WDR86: variants seen among roughly 807,000 people sequenced by gnomAD.
The protein encoded by WDR86 is WD repeat-containing protein 86.
A neutral mutation model predicts 36.5 loss-of-function variants in WDR86; 30 were observed. The ratio of observed to expected loss-of-function variants is 0.82; its 90% CI spans 0.61 to 1.11. The LOEUF (loss-of-function observed/expected upper bound fraction) is 1.11. Ranked by LOEUF, WDR86 falls within the 50% of genes most tolerant of loss-of-function variation. WDR86 has a pLI of 0.00. For synonymous variants in WDR86, 255 were observed against 252.9 expected (o/e 1.01, Z -0.08); for missense variants, 545 against 561.2 (o/e 0.97, Z 0.29).
intron 4 of WDR86, among the ~76,000 whole-genome samples, chr7:151,382,661 G>A (rs962585262): frequency 3.3e-5 from 5 of 152,238 alleles, no homozygotes; most frequent in Non-Finnish European, 5.9e-5. Flanking sequence ...GCTGCTGCTA[G>A]TCAGGAGGCC....
rs138669518 is a variant in WDR86 at position 151,400,156 on chromosome 7, G to A, written c.249C>T (p.Asp83=). ...CSADCTIRRW[D]VLTGQCLQVY... Reference sequence around the variant, plus strand: ...CCTGCAGACACTGCCCGGTCAGCACGTCCCACCTCCTGATGGTGCAGTCGG... The same window carrying A: ...CCTGCAGACACTGCCCGGTCAGCACATCCCACCTCCTGATGGTGCAGTCGG... Residue 83 remains aspartate, a synonymous_variant, in exon 2 of 6, where the codon GAC becomes GAT. Transcript: ENST00000334493. 156 of 1,612,402 alleles carry A rather than the reference G, an allele frequency of 9.7e-5. No individual in the cohort carries two copies. The South Asian group carries it at 1.6e-3, about 17-fold the overall frequency.
At chr7:151,408,875 T>C in intron 1 of WDR86, 1 of 468,980 alleles carries the variant, frequency 2.1e-6, no homozygotes, top group Non-Finnish European at 4.4e-6. Flanking sequence ...CTGTGCGACC[T>C]GGGCGAATTA....
At chr7:151,402,089 A>G (rs186275270) in intron 1 of WDR86, among the ~76,000 whole-genome samples, 6 of 124,312 alleles carry the variant, frequency 4.8e-5, no homozygotes, top group Admixed American at 3.3e-4. Context: ...ATATATATAT[A>G]TATCTCCACA....
chr7:151,381,700 C>T lies in WDR86; in HGVS notation c.1013G>A (p.Arg338His), dbSNP rs1242661285. 6.7e-7 allele frequency: 1 copy of T among 1,490,144 alleles called. No individual in the cohort carries two copies. 92.3% of individuals were successfully genotyped at this position (1,490,144 alleles called of 1,614,324 possible). A position where few individuals can be genotyped will look rare whatever the true frequency, so the allele number is the denominator to read the frequency against. Residue 338 changes from arginine to histidine, a missense_variant, in exon 6 of 6, where the codon CGC becomes CAC. By Grantham distance (29) the Arg-to-His change is conservative. Transcript: ENST00000334493. The surrounding 1 kb of genome is among the most constrained non-coding windows in gnomAD (Gnocchi z 4.8). ...LYTASHDGALRLWDVRGLRGA... is the reference protein window; with the variant it reads ...LYTASHDGALHLWDVRGLRGA... ...TCGGAGCCCGCGCACGTCCCAGAGG[C>T]GCAGGGCGCCGTCGTGCGAGGCGGT...
At chr7:151,375,565 A>G (rs1451552756), downstream of WDR86, among the ~76,000 whole-genome samples, 1 of 152,212 alleles carries the variant, frequency 6.6e-6, no homozygotes, top group African/African-American at 2.4e-5. Flanking sequence ...TAGCTCTGAC[A>G]AAACCTGTTT....
At position 151,405,500 on chromosome 7, in the gene WDR86, C is replaced by T. The variant is rs1800643872; in HGVS notation, c.163+3927G>A. On this transcript the variant is annotated intron_variant, in intron 1 of 5. Coordinates refer to ENST00000334493, the MANE Select transcript of WDR86 (RefSeq NM_198285.3). This position sits in a 1 kb window ranked among gnomAD's most constrained non-coding sequence, Gnocchi z 4.7. ...AAACTCTCCTGGTAGAACCCAGTTT[C>T]GAGGGTGCTGGGACCCTGAGGCAGG... Among the ~76,000 whole-genome samples the T allele has an allele frequency of 6.6e-6, 1 of 152,218 alleles. No individual in the cohort carries two copies. The highest frequency in any genetic ancestry group is 2.4e-5 in the African/African-American group (1 of 41,458).
intron 3 of WDR86, among the ~76,000 whole-genome samples, chr7:151,393,933 A>G (rs1244289057): frequency 6.6e-6 from 1 of 152,118 alleles, no homozygotes; most frequent in African/African-American, 2.4e-5. Flanking sequence ...CCTTCAGCAT[A>G]AGGATGATGT....
chr7:151,375,178 GTACT>G (rs1798158466), downstream of WDR86, among the ~76,000 whole-genome samples: 1 of 152,184 alleles, frequency 6.6e-6, no homozygotes, highest in African/African-American at 2.4e-5. Flanking sequence ...CCACAAGTCA[GTACT>G]TTTGTAACTA....
rs748373598 is a variant in WDR86 at position 151,402,070 on chromosome 7, A to AATATATAT, written c.164-1837_164-1830dup. The stretch of plus-strand genomic sequence containing the variant: ...CTCAAAAAAAAAAAAAAAAAAAAAA[A>AATATATAT]ATATATATATATATATATATATCTC... On this transcript the variant is annotated intron_variant, in intron 1 of 5. Transcript: ENST00000334493. Among the ~76,000 whole-genome samples, 156 of 50,518 alleles carry AATATATAT rather than the reference A, an allele frequency of 3.1e-3. 3 individuals carry two copies. The highest frequency in any genetic ancestry group is 0.012 in the East Asian group (25 of 2,034). The allele number at this position is 50,518 out of a possible 152,430, so 33.1% of individuals were successfully genotyped here.
chr7:151,378,069 TTTG>T (rs888765155), downstream of WDR86: 15 of 152,332 alleles, frequency 9.8e-5, no homozygotes, highest in East Asian at 1.9e-4. Flanking sequence ...GTGGGTTTTC[TTTG>T]TTGTTGTTGT....
At chr7:151,373,045 G>A (rs1315649451), downstream of WDR86, among the ~76,000 whole-genome samples, 1 of 152,130 alleles carries the variant, frequency 6.6e-6, no homozygotes, top group Non-Finnish European at 1.5e-5. Flanking sequence ...CAATGATGAT[G>A]CTTTTGTTTT....
At chr7:151,407,391 C>T (rs1169977714) in intron 1 of WDR86, among the ~76,000 whole-genome samples, 1 of 152,210 alleles carries the variant, frequency 6.6e-6, no homozygotes, top group Non-Finnish European at 1.5e-5. Context: ...AAGCCAAGTG[C>T]CCACCAGGCT....
At chr7:151,383,135 AC>A (rs554891880) in intron 4 of WDR86, among the ~76,000 whole-genome samples, 22 of 132,146 alleles carry the variant, frequency 1.7e-4, no homozygotes, top group Non-Finnish European at 2.4e-4. Context: ...ACAGGCATGC[AC>A]CACTACACCC....
At chr7:151,404,294 G>A (rs1305387900) in intron 1 of WDR86, among the ~76,000 whole-genome samples, 1 of 152,156 alleles carries the variant, frequency 6.6e-6, no homozygotes, top group Non-Finnish European at 1.5e-5. Context: ...CTGCCCTGTG[G>A]CAGAGCCTGG....
intron 2 of WDR86, among the ~76,000 whole-genome samples, chr7:151,398,412 T>C (rs1278647431): frequency 1.1e-5 from 1 of 92,392 alleles, no homozygotes; most frequent in East Asian, 4.2e-4. Flanking sequence ...TATATGTATG[T>C]TGTGCGTGTG....
chr7:151,384,082 T>C (rs1307123481), intron 4 of WDR86, among the ~76,000 whole-genome samples: 1 of 152,220 alleles, frequency 6.6e-6, no homozygotes, highest in Non-Finnish European at 1.5e-5. Context: ...TCAGGATCTA[T>C]TTTCAGATAT....
chr7:151,398,309 G>GT (rs1287563277), intron 2 of WDR86, among the ~76,000 whole-genome samples: 2 of 152,000 alleles, frequency 1.3e-5, no homozygotes, highest in Non-Finnish European at 2.9e-5. Context: ...GTGTATGTGT[G>GT]TAAGTTGCAT....
downstream of WDR86, chr7:151,377,537 GA>G: frequency 5.4e-6 from 1 of 185,078 alleles, no homozygotes; most frequent in Non-Finnish European, 1.1e-5. Context: ...GGGTCCTGGG[GA>G]AGGTGTCCAG....
chr7:151,374,060 C>T, downstream of WDR86: 2 of 1,531,554 alleles, frequency 1.3e-6, no homozygotes, highest in South Asian at 1.2e-5. Flanking sequence ...AAATCTCAGT[C>T]CCTAACTTGG....
Sources: gnomAD v4.1 joint callset for allele counts (sites outside exome capture counted in the v4.1 genomes callset) on GRCh38, gnomAD v4.1.1 for gene constraint, Gnocchi (gnomAD v3.1) non-coding constraint, MANE v1.5 for transcripts, NCBI Gene and HGNC (gene_info 2026-07-23, HGNC 2026-07-21) for gene names.